SOX5: variants seen among roughly 807,000 people sequenced by gnomAD.
SOX5 encodes SRY-box transcription factor 5.
Under a neutral mutation model 92.0 loss-of-function variants are expected in SOX5, and 9 were observed. That is an observed-to-expected ratio of 0.10 (90% CI 0.06 to 0.17). The LOEUF (loss-of-function observed/expected upper bound fraction) is 0.17. Among genes scored for constraint, SOX5 ranks in the 10% least tolerant of loss-of-function variants. SOX5 has a pLI of 1.00. For synonymous variants in SOX5, 344 were observed against 336.3 expected, an observed-to-expected ratio of 1.02 and a Z score of -0.25; for missense variants, 642 against 944.5, an observed-to-expected ratio of 0.68 and a Z score of 4.20.
At position 24,537,425 on chromosome 12, in the gene SOX5, G is replaced by A. The variant is rs184098518; in HGVS notation, c.-251+24904C>T. Among the ~76,000 whole-genome samples, 4 of 152,260 alleles carry A rather than the reference G, an allele frequency of 2.6e-5. No homozygotes were observed. The East Asian group carries it at 7.7e-4, about 29-fold the overall frequency. On this transcript the variant is annotated intron_variant, in intron 1 of 4. Transcript: ENST00000446891. ...CATAAAATGATAGGTTCTTTTTAAT[G>A]TCTAAGAATCTTGTTTAGTTCTCAT...
intron 8 of SOX5, among the ~76,000 whole-genome samples, chr12:23,628,534 G>A (rs1484274858): frequency 5.9e-5 from 9 of 152,022 alleles, no homozygotes; most frequent in Non-Finnish European, 1.2e-4. Flanking sequence ...CATTAATTAC[G>A]CTGCCCCAAA....
intron 4 of SOX5, among the ~76,000 whole-genome samples, chr12:23,961,569 C>T (rs897829949): frequency 1.3e-5 from 2 of 152,118 alleles, no homozygotes; most frequent in Admixed American, 6.6e-5. Context: ...TCTACTCATC[C>T]TTAAAGATTT....
chr12:24,404,120 C>A (rs1962387557), intron 1 of SOX5, among the ~76,000 whole-genome samples: 1 of 152,136 alleles, frequency 6.6e-6, no homozygotes, highest in African/African-American at 2.4e-5. Context: ...TTTAGCTAAG[C>A]TATCATTATC....
chr12:24,265,321 C>A (rs952261077), intron 3 of SOX5, among the ~76,000 whole-genome samples: 1 of 152,072 alleles, frequency 6.6e-6, no homozygotes, highest in Non-Finnish European at 1.5e-5. Context: ...TTGAGCCGGG[C>A]CCTTGAGCAC....
chr12:24,266,443 C>A (rs934999880), intron 3 of SOX5, among the ~76,000 whole-genome samples: 1 of 152,118 alleles, frequency 6.6e-6, no homozygotes, highest in Non-Finnish European at 1.5e-5. Context: ...ACAATTGACA[C>A]AACTGGACAC....
At chr12:24,374,971 TTTTA>T (rs1440872837) in intron 1 of SOX5, among the ~76,000 whole-genome samples, 1 of 151,966 alleles carries the variant, frequency 6.6e-6, no homozygotes, top group African/African-American at 2.4e-5. Flanking sequence ...TGTCTCTTAT[TTTTA>T]TTTATTTATT....
chr12:23,631,858 A>T (rs1027944745), intron 8 of SOX5, among the ~76,000 whole-genome samples: 4 of 152,122 alleles, frequency 2.6e-5, no homozygotes, highest in Non-Finnish European at 5.9e-5. Flanking sequence ...TGAAAAAGAC[A>T]CTGTGTGTAC....
chr12:23,993,973 G>T (rs1950812404), intron 4 of SOX5, among the ~76,000 whole-genome samples: 1 of 152,004 alleles, frequency 6.6e-6, no homozygotes, highest in African/African-American at 2.4e-5. Flanking sequence ...AAATAGCTGG[G>T]TGTGGTGGCG....
chr12:23,558,455 A>G (rs889829239), intron 11 of SOX5, among the ~76,000 whole-genome samples: 2 of 152,020 alleles, frequency 1.3e-5, no homozygotes, highest in Admixed American at 6.6e-5. Context: ...CTTCGTGGGG[A>G]TGGGATAGCT....
intron 1 of SOX5, among the ~76,000 whole-genome samples, chr12:24,541,594 A>C (rs1231319340): frequency 6.6e-6 from 1 of 152,206 alleles, no homozygotes; most frequent in African/African-American, 2.4e-5. Context: ...TGTTACACAT[A>C]GTTTAGAAGT....
chr12:24,212,092 C>A (rs546719589), intron 4 of SOX5, among the ~76,000 whole-genome samples: 53 of 152,192 alleles, frequency 3.5e-4, no homozygotes, highest in Non-Finnish European at 6.5e-4. Flanking sequence ...TTTGGCGTAT[C>A]ATTTTAAATA....
intron 2 of SOX5, among the ~76,000 whole-genome samples, chr12:23,849,968 G>A (rs2096613515): frequency 6.6e-6 from 1 of 152,128 alleles, no homozygotes; most frequent in African/African-American, 2.4e-5. Context: ...TAGTACAGAA[G>A]ATCTGGACTA....
At chr12:24,229,863 T>C (rs772974561) in intron 3 of SOX5, among the ~76,000 whole-genome samples, 2 of 152,208 alleles carry the variant, frequency 1.3e-5, no homozygotes, top group African/African-American at 2.4e-5. Context: ...ATTGTCTTTC[T>C]TTTTCATTTT....
chr12:23,990,414 T>C lies in SOX5; in HGVS notation c.-1-94390A>G, dbSNP rs919368709. Among the ~76,000 whole-genome samples, 81 of 152,172 alleles carry C rather than the reference T, an allele frequency of 5.3e-4. 1 individual carries two copies. Among genetic ancestry groups the C allele is most frequent in the Non-Finnish European group, 8.4e-4 (57 of 68,010 alleles). ...TCCTCTAGGCATGTTTCTCACCATA[T>C]TTCCCATAACTCCCTCGCAATACAA... On this transcript the variant is annotated intron_variant, in intron 4 of 4. Coordinates refer to the SOX5 transcript ENST00000446891.
chr12:23,893,859 T>C (rs997728840), intron 2 of SOX5, among the ~76,000 whole-genome samples: 13 of 152,218 alleles, frequency 8.5e-5, no homozygotes, highest in African/African-American at 1.9e-4. Context: ...TCATTGTACA[T>C]AACTTACGTA....
At chr12:24,443,392 G>A (rs1431487946) in intron 1 of SOX5, among the ~76,000 whole-genome samples, 2 of 152,272 alleles carry the variant, frequency 1.3e-5, no homozygotes, top group East Asian at 3.9e-4. Context: ...TGAATTTAGC[G>A]ATTTCCATCA....
intron 1 of SOX5, among the ~76,000 whole-genome samples, chr12:24,378,214 G>C (rs763366339): frequency 3.9e-5 from 6 of 152,160 alleles, no homozygotes; most frequent in Non-Finnish European, 8.8e-5. Context: ...TCCCTATCCA[G>C]GGATACTTTT....
intron 12 of SOX5, among the ~76,000 whole-genome samples, chr12:23,544,221 C>T (rs552214443): frequency 2.0e-5 from 3 of 152,252 alleles, no homozygotes; most frequent in African/African-American, 4.8e-5. Flanking sequence ...GAGTTAACAA[C>T]GATAGCTTTG....
intron 1 of SOX5, among the ~76,000 whole-genome samples, chr12:24,514,916 G>A (rs1949644812): frequency 6.6e-6 from 1 of 152,160 alleles, no homozygotes; most frequent in Non-Finnish European, 1.5e-5. Flanking sequence ...TGGGAGGAGG[G>A]AGAGGATCAG....
Sources: allele counts gnomAD v4.1 joint callset (sites outside exome capture counted in the v4.1 genomes callset), GRCh38; gene constraint gnomAD v4.1.1; transcripts MANE v1.5; gene names NCBI Gene and HGNC (gene_info 2026-07-23, HGNC 2026-07-21).